OR4K14: variants seen among roughly 807,000 people sequenced by gnomAD.
The protein encoded by OR4K14 is olfactory receptor 4K14.
For synonymous variants in OR4K14, 153 were observed against 141.5 expected (o/e 1.08, Z -0.58); for missense variants, 406 against 373.6 (o/e 1.09, Z -0.72).
rs1248380566 is a variant in OR4K14 at position 20,014,815 on chromosome 14, T to C, written c.379A>G (p.Ile127Val). ...VSMAYDRYVA[I>V]CKPLHYMTLM... ...GTCATGTAATGCAAGGGTTTGCATATGGCCACATATCTGTCATAGGCCATG... is the reference window on the plus strand; with the variant it reads ...GTCATGTAATGCAAGGGTTTGCATACGGCCACATATCTGTCATAGGCCATG... The change falls in exon 2 of 2, where the codon ATA (isoleucine) becomes GTA (valine). Residue 127 changes from isoleucine to valine, a missense_variant. Coordinates refer to ENST00000641793, the MANE Select transcript of OR4K14 (RefSeq NM_001004712.2). The C allele has an allele frequency of 2.5e-6, 4 of 1,613,998 alleles. No individual in the cohort carries two copies. Among genetic ancestry groups the C allele is most frequent in the Non-Finnish European group, 3.4e-6 (4 of 1,180,006 alleles).
At chr14:20,018,357 T>A (rs544331325) in intron 1 of OR4K14, among the ~76,000 whole-genome samples, 1 of 152,136 alleles carries the variant, frequency 6.6e-6, no homozygotes, top group South Asian at 2.1e-4. Flanking sequence ...AACACTTTTT[T>A]TGACAATTAG....
chr14:20,014,313 T>C lies in OR4K14; in HGVS notation c.881A>G (p.Glu294Gly), dbSNP rs1877038238. Residue 294 changes from glutamate to glycine, a missense_variant, in exon 2 of 2, where the codon GAG (glutamate) becomes GGG (glycine). By Grantham distance (98) the Glu-to-Gly change is moderately conservative (BLOSUM62 -2). Transcript: ENST00000641793. The part of the protein sequence containing the change: ...NPIIYTLRNE[E>G]MKAAMKKLQN... ...CAGTTTCTTCATAGCTGCTTTCATC[T>C]CCTCATTTCTCAATGTGTAGATAAT... 2 of 1,611,822 alleles carry C rather than the reference T, an allele frequency of 1.2e-6. No individual in the cohort carries two copies. Among genetic ancestry groups the C allele is most frequent in the Non-Finnish European group, 1.7e-6 (2 of 1,179,286 alleles).
chr14:20,016,647 C>A (rs1241761725), intron 1 of OR4K14, among the ~76,000 whole-genome samples: 3 of 152,048 alleles, frequency 2.0e-5, no homozygotes, highest in African/African-American at 7.2e-5. Flanking sequence ...TGCCCTTCAT[C>A]AATAACCTGG....
intron 1 of OR4K14, among the ~76,000 whole-genome samples, chr14:20,018,778 G>C (rs1033348347): frequency 6.6e-6 from 1 of 151,876 alleles, no homozygotes; most frequent in Non-Finnish European, 1.5e-5. Context: ...TGTAAAATGA[G>C]TGAACTTTAT....
rs367811368 is a variant in OR4K14 at position 20,014,439 on chromosome 14, A to G, written c.755T>C (p.Phe252Ser). ...SAHIMVVTLF[F>S]GPCIFVYVRP... The stretch of plus-strand genomic sequence containing the variant: ...CACATAAACAAAAATGCAAGGGCCA[A>G]AGAACAGCGTCACTACCATGATATG... Residue 252 changes from phenylalanine to serine, a missense_variant, in exon 2 of 2, where the codon TTT (phenylalanine) becomes TCT (serine). By Grantham distance (155) the Phe-to-Ser change is radical. Transcript: ENST00000641793. 3.1e-6 allele frequency: 5 copies of G among 1,614,062 alleles called. No homozygotes were observed. The highest frequency in any genetic ancestry group is 1.3e-5 in the African/African-American group (1 of 74,936).
In OR4K14 at chr14:20,014,849, G is replaced by C. The variant is rs754930480; in HGVS notation, c.345C>G (p.Leu115=). 6.2e-7 allele frequency: 1 copy of C among 1,614,078 alleles called. No individual in the cohort carries two copies. Residue 115 remains leucine, a synonymous_variant, in exon 2 of 2, where the codon CTC becomes CTG. Coordinates refer to ENST00000641793, the MANE Select transcript of OR4K14 (RefSeq NM_001004712.2). ...LHFTGGAEMV[L]LVSMAYDRYV... ...ATCTGTCATAGGCCATGGAAACCAG[G>C]AGCACCATCTCAGCCCCACCAGTAA...
chr14:20,015,669 G>T (rs1484532986), intron 1 of OR4K14, among the ~76,000 whole-genome samples: 3 of 151,960 alleles, frequency 2.0e-5, no homozygotes, highest in Admixed American at 2.0e-4. Flanking sequence ...AAAGAGAGAG[G>T]GAGGGGAAGG....
At chr14:20,018,144 T>C (rs538770664) in intron 1 of OR4K14, among the ~76,000 whole-genome samples, 38 of 152,154 alleles carry the variant, frequency 2.5e-4, no homozygotes, top group Middle Eastern at 6.8e-3. Context: ...TAACTTATTC[T>C]AGTTGTGAAA....
rs556015083 is a variant in OR4K14, at chr14:20,018,647, A to G, written c.-30+496T>C. Among the ~76,000 whole-genome samples the G allele has an allele frequency of 2.0e-5, 3 of 152,152 alleles. No homozygotes were observed. In the East Asian group the frequency reaches 5.8e-4, roughly 29 times the overall value. On this transcript the variant is annotated intron_variant, in intron 1 of 1. Transcript: ENST00000641793. ...ACAGAAAGTTGAAATAATCAGATGG[A>G]AAACTCGGGAAACAAACATAAAGGA...
Position 20,014,860 on chromosome 14 carries a change from C to A in OR4K14, c.334G>T (p.Glu112Ter), listed in dbSNP as rs769689418. 3.2e-5 allele frequency: 51 copies of A among 1,614,022 alleles called. No homozygotes were observed. Among genetic ancestry groups the A allele is most frequent in the Non-Finnish European group, 4.2e-5 (49 of 1,180,016 alleles). The change falls in exon 2 of 2, where the codon GAG becomes TAG. Residue 112 changes from glutamate to a stop codon, truncating the protein, a stop_gained. Transcript: ENST00000641793. LOFTEE classifies it low-confidence loss of function (END_TRUNC). Reference protein sequence around the residue: ...IFFLHFTGGAEMVLLVSMAYD... With the variant: ...IFFLHFTGGA ...GCCATGGAAACCAGGAGCACCATCT[C>A]AGCCCCACCAGTAAAGTGCAAGAAG... is the stretch of plus-strand genomic sequence containing the variant.
intron 1 of OR4K14, among the ~76,000 whole-genome samples, chr14:20,017,658 C>A (rs184634433): frequency 1.3e-5 from 2 of 151,832 alleles, no homozygotes; most frequent in East Asian, 3.9e-4. Context: ...AAAATGGTTA[C>A]TAGACAATGG....
chr14:20,017,470 T>C (rs1042067159), intron 1 of OR4K14, among the ~76,000 whole-genome samples: 22 of 152,060 alleles, frequency 1.4e-4, no homozygotes, highest in Admixed American at 6.5e-4. Context: ...AAATTAATTG[T>C]ATTTGGGATA....
intron 1 of OR4K14, among the ~76,000 whole-genome samples, chr14:20,015,555 C>T (rs965529704): frequency 2.0e-5 from 3 of 152,198 alleles, no homozygotes; most frequent in Admixed American, 6.5e-5. Context: ...ATTGTCATCA[C>T]AGAAAATAAG....
At chr14:20,017,242 G>A (rs914859868) in intron 1 of OR4K14, among the ~76,000 whole-genome samples, 1 of 151,648 alleles carries the variant, frequency 6.6e-6, no homozygotes, top group African/African-American at 2.4e-5. Flanking sequence ...TCCCTTCCAG[G>A]ACCTCTCTTG....
chr14:20,017,675 T>C (rs1318736147), intron 1 of OR4K14, among the ~76,000 whole-genome samples: 1 of 151,790 alleles, frequency 6.6e-6, no homozygotes, highest in Non-Finnish European at 1.5e-5. Context: ...ATGGGAAGGG[T>C]AGTGGGGAGA....
intron 1 of OR4K14, 126 bp from the exon 2 acceptor site, chr14:20,015,348 T>C: frequency 1.8e-6 from 1 of 541,506 alleles, no homozygotes; most frequent in Non-Finnish European, 3.2e-6. Flanking sequence ...TCTAAAAAAG[T>C]CAAACTTACA....
chr14:20,018,298 G>T (rs148703330), intron 1 of OR4K14, among the ~76,000 whole-genome samples: 1 of 152,014 alleles, frequency 6.6e-6, no homozygotes, highest in Non-Finnish European at 1.5e-5. Flanking sequence ...AAATTGCTTT[G>T]CTTCTCCTTG....
rs750243418 is a variant in OR4K14, at chr14:20,015,241, C to T, written c.-29-19G>A. ...TTGTAATCTAAATAAAGAAAAAAAT[C>T]CTGTCATTTGCAGCAACACCTCAAG... On this transcript the variant is annotated intron_variant, in intron 1 of 1. Transcript: ENST00000641793. 3.3e-5 allele frequency: 42 copies of T among 1,266,062 alleles called. No individual in the cohort carries two copies. Among genetic ancestry groups the T allele is most frequent in the Non-Finnish European group, 4.4e-5 (40 of 906,912 alleles). 78.4% of individuals were successfully genotyped at this position (1,266,062 alleles called of 1,614,324 possible).
At chr14:20,018,651 C>T (rs1026628134) in intron 1 of OR4K14, among the ~76,000 whole-genome samples, 12 of 151,806 alleles carry the variant, frequency 7.9e-5, no homozygotes, top group Non-Finnish European at 1.8e-4. Context: ...AGATGGAAAA[C>T]TCGGGAAACA....
Sources: allele counts gnomAD v4.1 joint callset (sites outside exome capture counted in the v4.1 genomes callset), GRCh38; gene constraint gnomAD v4.1.1; transcripts MANE v1.5; gene names NCBI Gene and HGNC (gene_info 2026-07-23, HGNC 2026-07-21).